LRMDA: variants seen among roughly 807,000 people sequenced by gnomAD.
LRMDA encodes leucine rich melanocyte differentiation associated, also known as leucine-rich melanocyte differentiation-associated protein.
Under a neutral mutation model 29.8 loss-of-function variants are expected in LRMDA, and 18 were observed. That is an observed-to-expected ratio of 0.60 (90% CI 0.42 to 0.90). The LOEUF (loss-of-function observed/expected upper bound fraction) is 0.90, where lower values mean the gene tolerates loss of function less well. LRMDA is among the 40% of genes least tolerant of loss of function. The pLI is 0.00. For synonymous variants in LRMDA, 125 were observed against 109.4 expected (o/e 1.14, Z -0.89); for missense variants, 273 against 273.9 (o/e 1.00, Z 0.02).
intron 6 of LRMDA, among the ~76,000 whole-genome samples, chr10:76,475,312 G>T (rs139890284): frequency 6.6e-6 from 1 of 151,808 alleles, no homozygotes; most frequent in Admixed American, 6.6e-5. Flanking sequence ...ATATTTTAAC[G>T]TAGTAAATTT....
At chr10:75,965,765 C>T (rs1202377705) in intron 2 of LRMDA, among the ~76,000 whole-genome samples, 4 of 152,070 alleles carry the variant, frequency 2.6e-5, no homozygotes, top group Non-Finnish European at 5.9e-5. Flanking sequence ...TAGTCTTGGG[C>T]TTAGTGAAAC....
At chr10:76,199,043 C>A (rs927565595) in intron 5 of LRMDA, among the ~76,000 whole-genome samples, 1 of 152,012 alleles carries the variant, frequency 6.6e-6, no homozygotes, top group Non-Finnish European at 1.5e-5. Flanking sequence ...TAAATCTAGG[C>A]AGGTTATCTA....
chr10:75,680,397 C>T (rs576910652), intron 2 of LRMDA, among the ~76,000 whole-genome samples: 2 of 152,202 alleles, frequency 1.3e-5, no homozygotes, highest in African/African-American at 4.8e-5. Flanking sequence ...AGGTGGCCAA[C>T]AATTGTCTGG....
intron 2 of LRMDA, among the ~76,000 whole-genome samples, chr10:75,839,467 C>G (rs574621613): frequency 1.3e-5 from 2 of 152,042 alleles, no homozygotes; most frequent in East Asian, 3.9e-4. Flanking sequence ...TATGTAGACA[C>G]ATCAGTTCCC....
At chr10:75,630,929 A>G (rs867863348) in intron 2 of LRMDA, among the ~76,000 whole-genome samples, 1 of 152,140 alleles carries the variant, frequency 6.6e-6, no homozygotes, top group Non-Finnish European at 1.5e-5. Context: ...GGGCCTGGCT[A>G]TGTGGATATA....
chr10:76,044,794 C>T (rs1328402424), intron 3 of LRMDA, among the ~76,000 whole-genome samples: 1 of 152,204 alleles, frequency 6.6e-6, no homozygotes, highest in Non-Finnish European at 1.5e-5. Context: ...AAACAAACTT[C>T]CATGTCTATT....
chr10:76,108,624 C>T (rs377039692), intron 5 of LRMDA, among the ~76,000 whole-genome samples: 1 of 152,156 alleles, frequency 6.6e-6, no homozygotes, highest in African/African-American at 2.4e-5. Context: ...TCCTATTTTT[C>T]TGTGTTTTCT....
intron 2 of LRMDA, chr10:75,783,029 C>G: frequency 6.2e-7 from 1 of 1,614,042 alleles, no homozygotes; most frequent in Non-Finnish European, 8.5e-7. Context: ...AAAGGTTAGC[C>G]AGACAGGACC....
chr10:76,436,279 C>T (rs938958219), intron 6 of LRMDA, among the ~76,000 whole-genome samples: 2 of 152,154 alleles, frequency 1.3e-5, no homozygotes, highest in Admixed American at 1.3e-4. Context: ...GTCATTAATG[C>T]TTTCTGTGAG....
intron 6 of LRMDA, among the ~76,000 whole-genome samples, chr10:76,486,721 C>G (rs1331375540): frequency 6.6e-6 from 1 of 151,840 alleles, no homozygotes; most frequent in African/African-American, 2.4e-5. Context: ...GATACCACCT[C>G]CCCACTCTTT....
chr10:76,299,589 A>AC (rs965343701), intron 5 of LRMDA, among the ~76,000 whole-genome samples: 2 of 120,148 alleles, frequency 1.7e-5, no homozygotes, highest in Non-Finnish European at 3.4e-5. Context: ...CCTTTGAACC[A>AC]CCCCCCTTCC....
At chr10:76,120,957 C>T (rs536597966) in intron 5 of LRMDA, among the ~76,000 whole-genome samples, 130 of 151,948 alleles carry the variant, frequency 8.6e-4, no homozygotes, top group Non-Finnish European at 1.5e-3. Context: ...CTCAGTCTCC[C>T]GAGTAGCTGG....
intron 6 of LRMDA, among the ~76,000 whole-genome samples, chr10:76,523,176 T>C (rs1242359450): frequency 6.6e-6 from 1 of 152,056 alleles, no homozygotes; most frequent in Non-Finnish European, 1.5e-5. Flanking sequence ...AGCTCTCCAC[T>C]TTAATTATTC....
intron 5 of LRMDA, among the ~76,000 whole-genome samples, chr10:76,133,700 G>T (rs1353249224): frequency 6.6e-6 from 1 of 152,238 alleles, no homozygotes; most frequent in Non-Finnish European, 1.5e-5. Flanking sequence ...TGCAGGGTTT[G>T]CATCAATTAC....
chr10:76,181,152 G>A (rs1159282756), intron 5 of LRMDA, among the ~76,000 whole-genome samples: 1 of 152,196 alleles, frequency 6.6e-6, no homozygotes, highest in African/African-American at 2.4e-5. Flanking sequence ...TAAACACCAT[G>A]TCCAAGACAC....
chr10:76,007,780 G>T (rs542399447), intron 2 of LRMDA, among the ~76,000 whole-genome samples: 1 of 152,112 alleles, frequency 6.6e-6, no homozygotes, highest in African/African-American at 2.4e-5. Context: ...AGGATTTATC[G>T]TCAGAATCAG....
At chr10:75,669,325 G>A (rs1841863451) in intron 2 of LRMDA, among the ~76,000 whole-genome samples, 1 of 152,182 alleles carries the variant, frequency 6.6e-6, no homozygotes, top group Non-Finnish European at 1.5e-5. Flanking sequence ...TCTGGGGGAA[G>A]TGGGTAAAGG....
At chr10:76,018,787 T>C (rs1420885449) in intron 2 of LRMDA, among the ~76,000 whole-genome samples, 1 of 152,084 alleles carries the variant, frequency 6.6e-6, no homozygotes, top group East Asian at 1.9e-4. Flanking sequence ...AGGATGGTCT[T>C]GATCTCTTTA....
At chr10:76,141,665 G>C (rs964522202) in intron 5 of LRMDA, among the ~76,000 whole-genome samples, 1 of 152,030 alleles carries the variant, frequency 6.6e-6, no homozygotes, top group African/African-American at 2.4e-5. Flanking sequence ...TATTAAATTC[G>C]AAAGGTGATC....
Sources: allele counts gnomAD v4.1 joint callset (sites outside exome capture counted in the v4.1 genomes callset), GRCh38; gene constraint gnomAD v4.1.1; transcripts MANE v1.5; gene names NCBI Gene and HGNC (gene_info 2026-07-23, HGNC 2026-07-21).